The following TAFA5 variants were observed in gnomAD, a reference collection of about 807,000 sequenced individuals.
TAFA5 encodes chemokine-like protein TAFA-5.
TAFA5 carries 6 observed loss-of-function variants against 15.3 expected under a neutral mutation model. That is an observed-to-expected ratio of 0.39 (90% confidence interval 0.21 to 0.77). The LOEUF (loss-of-function observed/expected upper bound fraction) is 0.77. TAFA5 is among the 30% of genes least tolerant of loss of function. The pLI is 0.41. For synonymous variants in TAFA5, 103 were observed against 80.7 expected, an observed-to-expected ratio of 1.28 and a Z score of -1.48; for missense variants, 161 against 193.1, an observed-to-expected ratio of 0.83 and a Z score of 0.98.
chr22:48,635,751 C>T (rs1926422010), intron 1 of TAFA5, among the ~76,000 whole-genome samples: 2 of 152,106 alleles, frequency 1.3e-5, no homozygotes, highest in Non-Finnish European at 2.9e-5. Flanking sequence ...TGGCACTGGG[C>T]GTTTTTGATT....
intron 1 of TAFA5, among the ~76,000 whole-genome samples, chr22:48,623,175 G>A (rs1002309187): frequency 6.6e-6 from 1 of 152,232 alleles, no homozygotes; most frequent in Admixed American, 6.5e-5. Context: ...TGGGATGGAT[G>A]AGCATGGTTT....
At chr22:48,523,910 G>A (rs1047629651) in intron 1 of TAFA5, among the ~76,000 whole-genome samples, 1 of 152,144 alleles carries the variant, frequency 6.6e-6, no homozygotes, top group Non-Finnish European at 1.5e-5. Context: ...AGGCACCACA[G>A]GCCGCCCAGG....
chr22:48,728,182 T>A (rs1453572885), intron 3 of TAFA5, among the ~76,000 whole-genome samples: 1 of 152,166 alleles, frequency 6.6e-6, no homozygotes, highest in Non-Finnish European at 1.5e-5. Context: ...ATAAACCAAG[T>A]CATGAATTAA....
intron 2 of TAFA5, among the ~76,000 whole-genome samples, chr22:48,680,034 G>T (rs967328761): frequency 5.3e-5 from 8 of 152,226 alleles, no homozygotes; most frequent in Non-Finnish European, 8.8e-5. Flanking sequence ...GCCTCGTGAG[G>T]CTGCAGAGGG....
At chr22:48,579,127 C>T (rs899779221) in intron 1 of TAFA5, among the ~76,000 whole-genome samples, 1 of 109,950 alleles carries the variant, frequency 9.1e-6, no homozygotes, top group Non-Finnish European at 2.2e-5. Flanking sequence ...GTGGCTAATC[C>T]GTCCCCCCCT....
chr22:48,704,208 A>ATG (rs1569086895), intron 2 of TAFA5, among the ~76,000 whole-genome samples: 90 of 150,926 alleles, frequency 6.0e-4, no homozygotes, highest in African/African-American at 2.1e-3. Flanking sequence ...GCGCACACAC[A>ATG]CACACACACA....
chr22:48,535,987 G>A (rs535184452), intron 1 of TAFA5, among the ~76,000 whole-genome samples: 4 of 152,350 alleles, frequency 2.6e-5, no homozygotes, highest in African/African-American at 7.2e-5. Flanking sequence ...ACTCATGCAT[G>A]GCTGCACAGG....
chr22:48,585,932 C>T (rs1415821936), intron 1 of TAFA5, among the ~76,000 whole-genome samples: 2 of 152,118 alleles, frequency 1.3e-5, no homozygotes, highest in African/African-American at 2.4e-5. Flanking sequence ...CCCATCACAC[C>T]GCACACACAC....
chr22:48,653,116 G>A (rs888416530), intron 2 of TAFA5, among the ~76,000 whole-genome samples: 2 of 152,226 alleles, frequency 1.3e-5, no homozygotes, highest in Non-Finnish European at 1.5e-5. Context: ...CGGCCTTTTT[G>A]TTATGGAACC....
At chr22:48,587,867 T>C (rs1014333887) in intron 1 of TAFA5, among the ~76,000 whole-genome samples, 1 of 152,274 alleles carries the variant, frequency 6.6e-6, no homozygotes, top group Admixed American at 6.5e-5. Context: ...AGAGGCGGCC[T>C]TCTGCCTGCC....
chr22:48,663,784 C>G (rs1387410616), intron 2 of TAFA5, among the ~76,000 whole-genome samples: 1 of 152,196 alleles, frequency 6.6e-6, no homozygotes, highest in Non-Finnish European at 1.5e-5. Flanking sequence ...CTATTAGTCA[C>G]TAAGTAGCCG....
chr22:48,675,129 A>G (rs1470421623), intron 2 of TAFA5, among the ~76,000 whole-genome samples: 1 of 152,110 alleles, frequency 6.6e-6, no homozygotes, highest in Non-Finnish European at 1.5e-5. Flanking sequence ...TTTAGTAGAG[A>G]TGGGGTTTCA....
intron 1 of TAFA5, among the ~76,000 whole-genome samples, chr22:48,513,323 G>C (rs1394156400): frequency 6.6e-6 from 1 of 152,212 alleles, no homozygotes. Context: ...GAAGCGTTTT[G>C]TTACAGGCCG....
intron 2 of TAFA5, among the ~76,000 whole-genome samples, chr22:48,689,814 C>G (rs1367249857): frequency 2.0e-5 from 3 of 152,196 alleles, no homozygotes; most frequent in Non-Finnish European, 4.4e-5. Flanking sequence ...AGCCTTGGGC[C>G]TTCCTTGCAC....
intron 1 of TAFA5, among the ~76,000 whole-genome samples, chr22:48,565,006 A>G (rs566625448): frequency 9.2e-5 from 14 of 152,312 alleles, no homozygotes; most frequent in South Asian, 2.1e-4. Context: ...ACGGCCCCAC[A>G]CCTGCTGTCT....
intron 1 of TAFA5, among the ~76,000 whole-genome samples, chr22:48,634,130 T>TCACG (rs1386685097): frequency 2.6e-5 from 4 of 151,148 alleles, no homozygotes; most frequent in African/African-American, 9.7e-5. Context: ...GCTCACTCAC[T>TCACG]CACTCACTCA....
intron 1 of TAFA5, among the ~76,000 whole-genome samples, chr22:48,508,113 A>G (rs1286732577): frequency 3.3e-5 from 5 of 152,134 alleles, no homozygotes; most frequent in Non-Finnish European, 7.4e-5. Flanking sequence ...CAGAGCCAGT[A>G]CGTGGACAGC....
In TAFA5 at chr22:48,576,644, G is replaced by A. The variant is rs1045811260; in HGVS notation, c.113-69953G>A. 3.1e-6 allele frequency: 4 copies of A among 1,277,248 alleles called. No individual in the cohort carries two copies. The African/African-American group carries it at 4.7e-5, about 15-fold the overall frequency. 79.1% of individuals were successfully genotyped at this position (1,277,248 alleles called of 1,614,324 possible). ...TCGCGGCGGCTCCGGCGCCCGACCC[G>A]GCTTCCAGCACGTTCCGCTGCCGCC... On this transcript the variant is annotated intron_variant, in intron 1 of 3. Coordinates refer to ENST00000402357, the MANE Select transcript of TAFA5 (RefSeq NM_001082967.3).
At chr22:48,594,602 C>G (rs1924694634) in intron 1 of TAFA5, among the ~76,000 whole-genome samples, 1 of 152,226 alleles carries the variant, frequency 6.6e-6, no homozygotes, top group Non-Finnish European at 1.5e-5. Context: ...GGCTCATGCT[C>G]CCGTCGGCTG....
Sources: allele counts gnomAD v4.1 joint callset (sites outside exome capture counted in the v4.1 genomes callset), GRCh38; gene constraint gnomAD v4.1.1; transcripts MANE v1.5; gene names NCBI Gene and HGNC (gene_info 2026-07-23, HGNC 2026-07-21).